The following TTC7A variants were observed in gnomAD, a reference collection of about 807,000 sequenced individuals.
TTC7A encodes the protein tetratricopeptide repeat domain 7A.
A neutral mutation model predicts 103.7 loss-of-function variants in TTC7A; 110 were observed. The ratio of observed to expected loss-of-function variants is 1.06; its 90% CI spans 0.91 to 1.24. TTC7A has a LOEUF of 1.24. TTC7A is among the 50% of genes most tolerant of loss of function. The probability of loss-of-function intolerance (pLI) is 0.00; values close to 1 mark genes in which losing one functional copy is unlikely to be tolerated. For missense variants in TTC7A, 1,340 were observed against 1,116.3 expected, an observed-to-expected ratio of 1.20 and a Z score of -2.86; for synonymous variants, 521 against 467.9, an observed-to-expected ratio of 1.11 and a Z score of -1.47.
chr2:47,014,487 C>T (rs1016999253), intron 11 of TTC7A, among the ~76,000 whole-genome samples: 1 of 152,210 alleles, frequency 6.6e-6, no homozygotes, highest in Non-Finnish European at 1.5e-5. Flanking sequence ...GGACTGGAAA[C>T]TGGCCCCATC....
At chr2:47,061,350 C>A (rs1320594265) in intron 19 of TTC7A, among the ~76,000 whole-genome samples, 1 of 152,220 alleles carries the variant, frequency 6.6e-6, no homozygotes. Context: ...TAGGTGGTTA[C>A]CAAAATGCTT....
intron 3 of TTC7A, among the ~76,000 whole-genome samples, chr2:46,970,169 T>TG (rs1257712415): frequency 6.6e-6 from 1 of 152,006 alleles, no homozygotes; most frequent in Admixed American, 6.6e-5. Context: ...TTTTCTATTT[T>TG]GGGGGGGACG....
chr2:47,068,906 GGA>G (rs774514419), intron 19 of TTC7A, among the ~76,000 whole-genome samples: 9 of 147,232 alleles, frequency 6.1e-5, no homozygotes, highest in East Asian at 5.9e-4. Flanking sequence ...CACCCTACAT[GGA>G]GAGAGAAGGT....
At chr2:47,065,917 G>A (rs1684144185) in intron 19 of TTC7A, 1 of 152,326 alleles carries the variant, frequency 6.6e-6, no homozygotes, top group African/African-American at 2.4e-5. Context: ...ACTCTGGAGA[G>A]GAGGAGTTTC....
intron 19 of TTC7A, among the ~76,000 whole-genome samples, chr2:47,072,906 C>G (rs1434717375): frequency 6.6e-6 from 1 of 152,218 alleles, no homozygotes; most frequent in Non-Finnish European, 1.5e-5. Context: ...GCCAGTTTCA[C>G]TTCCCAGCCT....
chr2:47,058,009 T>C (rs2104765142), intron 18 of TTC7A, among the ~76,000 whole-genome samples: 1 of 152,296 alleles, frequency 6.6e-6, no homozygotes, highest in African/African-American at 2.4e-5. Context: ...AAAAGTTGTA[T>C]GTTAAGCACT....
upstream of TTC7A, among the ~76,000 whole-genome samples, chr2:46,938,997 C>A (rs1381452565): frequency 7.2e-6 from 1 of 138,066 alleles, no homozygotes; most frequent in African/African-American, 2.8e-5. Context: ...GGCAACAGAG[C>A]GAGACTCTGT....
chr2:46,919,033 G>A (rs1668960609), intron 2 of TTC7A, among the ~76,000 whole-genome samples: 1 of 152,194 alleles, frequency 6.6e-6, no homozygotes, highest in African/African-American at 2.4e-5. Context: ...CAAGATACCA[G>A]AATGGCCTCT....
intron 3 of TTC7A, among the ~76,000 whole-genome samples, chr2:46,959,159 C>A (rs902777985): frequency 1.3e-5 from 2 of 152,332 alleles, no homozygotes; most frequent in South Asian, 4.1e-4. Flanking sequence ...ATCAAGTGAT[C>A]CAGGCCAAGC....
chr2:47,027,809 G>A (rs1020568850), intron 14 of TTC7A, among the ~76,000 whole-genome samples: 6 of 152,172 alleles, frequency 3.9e-5, no homozygotes, highest in African/African-American at 1.4e-4. Flanking sequence ...GGGGGGCAGC[G>A]GGCCACCTCA....
intron 15 of TTC7A, among the ~76,000 whole-genome samples, chr2:47,041,579 T>A (rs1681754733): frequency 6.6e-6 from 1 of 151,838 alleles, no homozygotes; most frequent in African/African-American, 2.4e-5. Context: ...ATGCAGAAAC[T>A]CCATCTCTAC....
chr2:47,012,618 G>A (rs962047432), intron 11 of TTC7A, among the ~76,000 whole-genome samples: 1 of 152,202 alleles, frequency 6.6e-6, no homozygotes, highest in Non-Finnish European at 1.5e-5. Flanking sequence ...AACAAATCAT[G>A]GATTCTGGGG....
At chr2:46,920,060 C>T (rs1368200144) in intron 2 of TTC7A, among the ~76,000 whole-genome samples, 1 of 152,130 alleles carries the variant, frequency 6.6e-6, no homozygotes, top group Non-Finnish European at 1.5e-5. Flanking sequence ...ATATGATGGC[C>T]ATCTGCATTT....
chr2:46,977,905 C>T (rs1674032765), intron 4 of TTC7A, among the ~76,000 whole-genome samples: 2 of 152,208 alleles, frequency 1.3e-5, no homozygotes, highest in Admixed American at 1.3e-4. Flanking sequence ...TTTTCTGAGC[C>T]TCAGTTTCCT....
At chr2:47,000,318 G>T (rs1676673347) in intron 8 of TTC7A, among the ~76,000 whole-genome samples, 1 of 151,924 alleles carries the variant, frequency 6.6e-6, no homozygotes, top group Non-Finnish European at 1.5e-5. Flanking sequence ...GATGAGCACA[G>T]ATTGTTTCAG....
At chr2:47,008,262 T>C (rs558929273) in intron 10 of TTC7A, among the ~76,000 whole-genome samples, 3 of 152,314 alleles carry the variant, frequency 2.0e-5, no homozygotes, top group African/African-American at 4.8e-5. Context: ...CCTGGACTCC[T>C]TTCAGGAGGT....
chr2:46,950,109 A>G (rs1453340190), intron 1 of TTC7A, among the ~76,000 whole-genome samples: 1 of 152,198 alleles, frequency 6.6e-6, no homozygotes, highest in African/African-American at 2.4e-5. Flanking sequence ...GAGTCCTGGG[A>G]ACTCTGTCTT....
At chr2:46,932,220 G>C (rs1669743708) in intron 2 of TTC7A, among the ~76,000 whole-genome samples, 1 of 151,834 alleles carries the variant, frequency 6.6e-6, no homozygotes, top group Non-Finnish European at 1.5e-5. Context: ...CGGGGTCTTG[G>C]CTCACTGCAA....
chr2:46,921,137 A>G (rs2103802713), intron 2 of TTC7A, among the ~76,000 whole-genome samples: 1 of 152,348 alleles, frequency 6.6e-6, no homozygotes, highest in East Asian at 1.9e-4. Flanking sequence ...AACACTATTG[A>G]AAGTGCTTTA....
Sources: gnomAD v4.1 joint callset for allele counts (sites outside exome capture counted in the v4.1 genomes callset) on GRCh38, gnomAD v4.1.1 for gene constraint, MANE v1.5 for transcripts, NCBI Gene and HGNC (gene_info 2026-07-23, HGNC 2026-07-21) for gene names.